The following MYO1E variants were observed in gnomAD, a reference collection of about 807,000 sequenced individuals.
MYO1E encodes unconventional myosin-Ie.
MYO1E carries 68 observed loss-of-function variants against 151.1 expected under a neutral mutation model. The ratio of observed to expected loss-of-function variants is 0.45; its 90% CI spans 0.37 to 0.55. The LOEUF (loss-of-function observed/expected upper bound fraction) is 0.55. Among genes scored for constraint, MYO1E ranks in the 20% least tolerant of loss-of-function variants. MYO1E has a pLI of 0.00. For synonymous variants in MYO1E, 601 were observed against 501.7 expected (o/e 1.20, Z -2.64); for missense variants, 1,363 against 1,389.3 (o/e 0.98, Z 0.30).
intron 2 of MYO1E, among the ~76,000 whole-genome samples, chr15:59,262,573 A>G (rs1168869402): frequency 6.6e-6 from 1 of 152,170 alleles, no homozygotes; most frequent in Non-Finnish European, 1.5e-5. Context: ...GGTTGCAGTG[A>G]GCCCAGATCA....
intron 17 of MYO1E, 70 bp from the exon 18 acceptor site, chr15:59,188,286 C>T (rs1462350478): frequency 1.7e-6 from 2 of 1,186,860 alleles, no homozygotes; most frequent in Non-Finnish European, 2.5e-6. Context: ...TACCAGCCAA[C>T]CCCCAAGCCC....
chr15:59,151,152 C>T (rs774368887), intron 26 of MYO1E, among the ~76,000 whole-genome samples: 33 of 151,962 alleles, frequency 2.2e-4, no homozygotes, highest in Admixed American at 7.2e-4. Flanking sequence ...TTCAGCTGGG[C>T]GCGGTGGCTC....
Position 59,350,617 on chromosome 15 carries a change from A to G in MYO1E, c.3+21881T>C, listed in dbSNP as rs980219648. On this transcript the variant is annotated intron_variant, in intron 1 of 27. Coordinates refer to ENST00000288235, the MANE Select transcript of MYO1E (RefSeq NM_004998.4). This position sits in a 1 kb window ranked among gnomAD's most constrained non-coding sequence, Gnocchi z 5.0. The stretch of plus-strand genomic sequence containing the variant: ...TAACCAGGGAATGTCGAGAGTGTAC[A>G]GGAATGTGGGAAGGCCAAAGGGAAA... Among the ~76,000 whole-genome samples the G allele has an allele frequency of 9.2e-5, 14 of 152,218 alleles. No homozygotes were observed. Among genetic ancestry groups the G allele is most frequent in the African/African-American group, 2.7e-4 (11 of 41,462 alleles).
At chr15:59,265,996 T>G (rs1186934133) in intron 2 of MYO1E, among the ~76,000 whole-genome samples, 1 of 151,860 alleles carries the variant, frequency 6.6e-6, no homozygotes, top group Non-Finnish European at 1.5e-5. Context: ...TCTCAAAAAA[T>G]AAAATGGCTG....
intron 1 of MYO1E, among the ~76,000 whole-genome samples, chr15:59,283,995 A>G (rs1434456051): frequency 6.6e-6 from 1 of 152,202 alleles, no homozygotes; most frequent in African/African-American, 2.4e-5. Flanking sequence ...TAAACAGAAT[A>G]CCTGGTACAA....
chr15:59,153,506 C>T, intron 26 of MYO1E, 84 bp downstream of exon 26: 1 of 1,452,548 alleles, frequency 6.9e-7, no homozygotes, highest in Admixed American at 1.7e-5. Context: ...TGTGTATTGA[C>T]AGCCCACAGG....
chr15:59,372,759 C>A lies in MYO1E; in HGVS notation c.-259G>T. The A allele has an allele frequency of 1.9e-6, 1 of 538,088 alleles. No homozygotes were observed. Among genetic ancestry groups the A allele is most frequent in the Non-Finnish European group, 3.3e-6 (1 of 305,124 alleles). The allele number at this position is 538,088 out of a possible 1,614,324, so 33.3% of individuals were successfully genotyped here. On this transcript the variant is annotated 5_prime_UTR_variant, in exon 1 of 28. Transcript: ENST00000288235. ...CGGAGGGCAAGAGTCCACTCGTACT[C>A]GCCGGTCGCCGCCGGCCCAGGTGAG... is the stretch of plus-strand genomic sequence containing the variant.
intron 4 of MYO1E, among the ~76,000 whole-genome samples, chr15:59,238,760 C>T (rs977194634): frequency 1.3e-5 from 2 of 151,730 alleles, no homozygotes; most frequent in Non-Finnish European, 2.9e-5. Flanking sequence ...TTAGTAGAGA[C>T]GGGGTTTCAC....
At chr15:59,354,470 T>TC (rs1483621470) in intron 1 of MYO1E, among the ~76,000 whole-genome samples, 3 of 151,914 alleles carry the variant, frequency 2.0e-5, no homozygotes, top group Non-Finnish European at 4.4e-5. Context: ...GCCTAACCAC[T>TC]CCCCCACAAA....
chr15:59,215,364 T>C (rs919542860), intron 10 of MYO1E, among the ~76,000 whole-genome samples: 1 of 152,224 alleles, frequency 6.6e-6, no homozygotes, highest in African/African-American at 2.4e-5. Context: ...GATACCATTA[T>C]TTTCCCAATT....
intron 19 of MYO1E, among the ~76,000 whole-genome samples, chr15:59,177,811 A>G (rs2079633934): frequency 6.6e-6 from 1 of 152,210 alleles, no homozygotes; most frequent in Admixed American, 6.5e-5. Flanking sequence ...TGTTCTATAA[A>G]CCAGAGATTT....
intron 18 of MYO1E, among the ~76,000 whole-genome samples, chr15:59,187,566 G>A (rs965911216): frequency 2.6e-5 from 4 of 152,206 alleles, no homozygotes; most frequent in African/African-American, 9.7e-5. Context: ...ATATGACCAA[G>A]CAATTGCACT....
At chr15:59,345,382 G>A (rs2080788600) in intron 1 of MYO1E, among the ~76,000 whole-genome samples, 1 of 152,094 alleles carries the variant, frequency 6.6e-6, no homozygotes, top group Admixed American at 6.5e-5. Context: ...CTTTCTCTTG[G>A]GGAGCCTCAA....
chr15:59,140,368 A>G (rs77477870), intron 26 of MYO1E, among the ~76,000 whole-genome samples: 3 of 152,388 alleles, frequency 2.0e-5, no homozygotes, highest in East Asian at 3.9e-4. Context: ...AAATATGTTC[A>G]TAAAAAGCAT....
intron 12 of MYO1E, among the ~76,000 whole-genome samples, chr15:59,212,003 A>C (rs1211062060): frequency 6.6e-6 from 1 of 151,220 alleles, no homozygotes; most frequent in Non-Finnish European, 1.5e-5. Context: ...ACATCATGTC[A>C]CTCCTCCCTC....
chr15:59,327,471 G>A (rs1458967376), intron 1 of MYO1E, among the ~76,000 whole-genome samples: 1 of 151,808 alleles, frequency 6.6e-6, no homozygotes, highest in Non-Finnish European at 1.5e-5. Flanking sequence ...ACCACATCTG[G>A]CTATTTTTAT....
chr15:59,338,358 G>A (rs1372222380), intron 1 of MYO1E, among the ~76,000 whole-genome samples: 2 of 147,526 alleles, frequency 1.4e-5, no homozygotes, highest in African/African-American at 2.5e-5. Flanking sequence ...CTGACTCCCA[G>A]ATCTGTGCTG....
At chr15:59,193,962 G>C (rs2079750174) in intron 17 of MYO1E, among the ~76,000 whole-genome samples, 1 of 152,170 alleles carries the variant, frequency 6.6e-6, no homozygotes, top group South Asian at 2.1e-4. Flanking sequence ...GGATCACGAA[G>C]TCAGGAGTTC....
At chr15:59,273,170 C>G (rs2080297933) in intron 1 of MYO1E, among the ~76,000 whole-genome samples, 1 of 152,190 alleles carries the variant, frequency 6.6e-6, no homozygotes, top group Non-Finnish European at 1.5e-5. Context: ...CCGCATGGCC[C>G]CCTTGGGTAG....
Sources: gnomAD v4.1 joint callset for allele counts (sites outside exome capture counted in the v4.1 genomes callset) on GRCh38, gnomAD v4.1.1 for gene constraint, Gnocchi (gnomAD v3.1) non-coding constraint, MANE v1.5 for transcripts, NCBI Gene and HGNC (gene_info 2026-07-23, HGNC 2026-07-21) for gene names.